The following PCDHGB5 variants were observed in gnomAD, a reference collection of about 807,000 sequenced individuals.
PCDHGB5 encodes the protein protocadherin gamma subfamily B, 5, also known as protocadherin gamma-B5.
A neutral mutation model predicts 62.9 loss-of-function variants in PCDHGB5; 48 were observed. The observed-to-expected ratio is 0.76, with a 90% confidence interval of 0.61 to 0.97. The LOEUF (loss-of-function observed/expected upper bound fraction) is 0.97. Among genes scored for constraint, PCDHGB5 ranks in the 50% least tolerant of loss-of-function variants. PCDHGB5 has a pLI of 0.00. For synonymous variants in PCDHGB5, 474 were observed against 511.2 expected (o/e 0.93, Z 0.98); for missense variants, 1,118 against 1,198.6 (o/e 0.93, Z 0.99).
At position 141,476,676 on chromosome 5, in the gene PCDHGB5, G is replaced by A. The variant is rs753538822; in HGVS notation, c.2398-18131G>A. The A allele has an allele frequency of 6.2e-7, 1 of 1,614,222 alleles. No individual in the cohort carries two copies. The highest frequency in any genetic ancestry group is 8.5e-7 in the Non-Finnish European group (1 of 1,180,054). On this transcript the variant is annotated intron_variant, in intron 1 of 3. Transcript: ENST00000617380. The surrounding 1 kb of genome is among the most constrained non-coding windows in gnomAD (Gnocchi z 7.6). ...TACTTTGCGCTTCGCGTGCAGACGC[G>A]GGAGGACAGCACCAAGTACGCGGAG...
At chr5:141,499,019 AG>A (rs2099788634) in intron 2 of PCDHGB5, among the ~76,000 whole-genome samples, 3 of 150,840 alleles carry the variant, frequency 2.0e-5, no homozygotes, top group Non-Finnish European at 3.0e-5. Context: ...GAAGGAAGGA[AG>A]GAAGGAAGAA....
chr5:141,497,502 T>C (rs1216218103), intron 2 of PCDHGB5, among the ~76,000 whole-genome samples: 1 of 151,628 alleles, frequency 6.6e-6, no homozygotes, highest in East Asian at 1.9e-4. Flanking sequence ...CTCTCCTCTC[T>C]CTGCTTCCTT....
At chr5:141,484,404 G>C (rs1333849091) in intron 1 of PCDHGB5, among the ~76,000 whole-genome samples, 3 of 152,174 alleles carry the variant, frequency 2.0e-5, no homozygotes, top group Non-Finnish European at 4.4e-5. Flanking sequence ...GGTTTCCGCT[G>C]TGTCTCCTGT....
intron 1 of PCDHGB5, chr5:141,409,152 T>C: frequency 6.2e-7 from 1 of 1,613,988 alleles, no homozygotes; most frequent in Non-Finnish European, 8.5e-7. Context: ...AGGTACACCA[T>C]GGAAGTGGAA....
chr5:141,444,525 C>T (rs2098439670), intron 1 of PCDHGB5, among the ~76,000 whole-genome samples: 1 of 152,062 alleles, frequency 6.6e-6, no homozygotes, highest in African/African-American at 2.4e-5. Context: ...GTAGGTGAGA[C>T]AGTGACTGTG....
In PCDHGB5 at chr5:141,477,053, G is replaced by A; in HGVS notation, c.2398-17754G>A. On this transcript the variant is annotated intron_variant, in intron 1 of 3. Transcript: ENST00000617380. This position sits in a 1 kb window ranked among gnomAD's most constrained non-coding sequence, Gnocchi z 4.9. ...GACAATCAAGGGTCGGCTGGACTTC[G>A]AGGACACCAAACTCCATGAGATTTA... The A allele has an allele frequency of 1.9e-6, 3 of 1,614,230 alleles. No homozygotes were observed. The highest frequency in any genetic ancestry group is 2.5e-6 in the Non-Finnish European group (3 of 1,180,032).
chr5:141,432,539 G>A lies in PCDHGB5; in HGVS notation c.2397+32015G>A. 2.5e-6 allele frequency: 4 copies of A among 1,614,038 alleles called. No individual in the cohort carries two copies. Among genetic ancestry groups the A allele is most frequent in the Non-Finnish European group, 3.4e-6 (4 of 1,180,022 alleles). ...CTACCTGGTGACCAAGGTGGTGGCG[G>A]TGGACAGAGACTCCGGCCAGAACGC... On this transcript the variant is annotated intron_variant, in intron 1 of 3. Transcript: ENST00000617380. The surrounding 1 kb of genome is among the most constrained non-coding windows in gnomAD (Gnocchi z 6.0).
At chr5:141,417,770 T>G in intron 1 of PCDHGB5, 1 of 1,456,418 alleles carries the variant, frequency 6.9e-7, no homozygotes, top group Non-Finnish European at 9.1e-7. Context: ...CCGGGACTCC[T>G]CCTGTCCTGG....
intron 1 of PCDHGB5, among the ~76,000 whole-genome samples, chr5:141,474,747 A>AGACAAATAT (rs1447050692): frequency 6.6e-6 from 1 of 152,264 alleles, no homozygotes; most frequent in African/African-American, 2.4e-5. Context: ...GTGATGTCCA[A>AGACAAATAT]GACAAATATA....
chr5:141,408,316 G>A (rs1407149479), intron 1 of PCDHGB5: 3 of 1,613,750 alleles, frequency 1.9e-6, no homozygotes, highest in African/African-American at 1.3e-5. Context: ...ACTCGATTCC[G>A]GAGGAGCTGG....
At chr5:141,417,440 T>C (rs889107076) in intron 1 of PCDHGB5, 1 of 166,232 alleles carries the variant, frequency 6.0e-6, no homozygotes, top group African/African-American at 2.4e-5. Flanking sequence ...TAAAAAGATA[T>C]GATAGTTATG....
In PCDHGB5 at chr5:141,402,724, G is replaced by A. The variant is rs558797465; in HGVS notation, c.2397+2200G>A. Among the ~76,000 whole-genome samples, 7 of 152,276 alleles carry A rather than the reference G, an allele frequency of 4.6e-5. No individual in the cohort carries two copies. The South Asian group carries it at 1.5e-3, about 32-fold the overall frequency. On this transcript the variant is annotated intron_variant, in intron 1 of 3. Transcript: ENST00000617380. Reference sequence around the variant, plus strand: ...GGGTGTAGTAACGGCTTAGGACTCTGAGCGCCGCTGTTGATCAACTCTAAG... The same window carrying A: ...GGGTGTAGTAACGGCTTAGGACTCTAAGCGCCGCTGTTGATCAACTCTAAG...
intron 1 of PCDHGB5, chr5:141,409,428 C>T (rs2095264686): frequency 6.2e-7 from 1 of 1,613,870 alleles, no homozygotes; most frequent in Admixed American, 1.7e-5. Context: ...ACAGATGGAG[C>T]CCTGGACCGA....
At chr5:141,463,532 T>G (rs1237301892) in intron 1 of PCDHGB5, among the ~76,000 whole-genome samples, 1 of 133,692 alleles carries the variant, frequency 7.5e-6, no homozygotes, top group African/African-American at 2.8e-5. Flanking sequence ...TACTAGAAAC[T>G]CCGGCTCCCG....
intron 1 of PCDHGB5, among the ~76,000 whole-genome samples, chr5:141,433,752 G>A (rs975941520): frequency 6.6e-6 from 1 of 151,206 alleles, no homozygotes; most frequent in Non-Finnish European, 1.5e-5. Context: ...CAGGAGAATT[G>A]CTTTAACCTG....
At position 141,399,115 on chromosome 5, in the gene PCDHGB5, GA is replaced by G; in HGVS notation, c.991del (p.Ile331LeufsTer21). 1.9e-6 allele frequency: 3 copies of G among 1,613,814 alleles called. No individual in the cohort carries two copies. Among genetic ancestry groups the G allele is most frequent in the Non-Finnish European group, 2.5e-6 (3 of 1,179,874 alleles). ...TGGACTGGTTGCACAATGTACAGTT[GA>G]AATTAATATTCAAGATGAAAATGAC... ...GGGLVAQCTV[E>X]INIQDENDNS... On this transcript the variant is annotated frameshift_variant, in exon 1 of 4. Transcript: ENST00000617380. LOFTEE classifies it high-confidence loss of function.
chr5:141,485,074 G>C lies in PCDHGB5; in HGVS notation c.2398-9733G>C, dbSNP rs2099606548. ...GGCCGAACCGCGCCAGAGCTGGCGC[G>C]GGGAAAGGGAGATAGGTGTCTCCAG... On this transcript the variant is annotated intron_variant, in intron 1 of 3. Coordinates refer to ENST00000617380, the MANE Select transcript of PCDHGB5 (RefSeq NM_018925.3). The surrounding 1 kb of genome is among the most constrained non-coding windows in gnomAD (Gnocchi z 5.7). 1 of 926,946 alleles carries C rather than the reference G, an allele frequency of 1.1e-6. No individual in the cohort carries two copies. The highest frequency in any genetic ancestry group is 1.6e-5 in the South Asian group (1 of 62,606). The allele number at this position is 926,946 out of a possible 1,614,324, so 57.4% of individuals were successfully genotyped here.
chr5:141,427,547 T>C (rs747558888), intron 1 of PCDHGB5: 1 of 640,310 alleles, frequency 1.6e-6, no homozygotes, highest in South Asian at 1.5e-5. Flanking sequence ...TCACCATCAC[T>C]GCCACTGACA....
chr5:141,440,905 C>A (rs986711694), intron 1 of PCDHGB5: 1 of 152,184 alleles, frequency 6.6e-6, no homozygotes, highest in East Asian at 1.9e-4. Context: ...TGCATCCGGG[C>A]ACTCCTGTGC....
Sources: allele counts gnomAD v4.1 joint callset (sites outside exome capture counted in the v4.1 genomes callset), GRCh38; gene constraint gnomAD v4.1.1; non-coding constraint Gnocchi (gnomAD v3.1); transcripts MANE v1.5; gene names NCBI Gene and HGNC (gene_info 2026-07-23, HGNC 2026-07-21).